The following TAMM41 variants were observed in gnomAD, a reference collection of about 807,000 sequenced individuals.
The protein encoded by TAMM41 is TAM41 mitochondrial translocator assembly and maintenance homolog, also known as phosphatidate cytidylyltransferase, mitochondrial.
A neutral mutation model predicts 44.1 loss-of-function variants in TAMM41; 36 were observed. The observed-to-expected ratio is 0.82, with a 90% CI of 0.63 to 1.08. The LOEUF (loss-of-function observed/expected upper bound fraction) is 1.08, where lower values mean the gene tolerates loss of function less well. Among genes scored for constraint, TAMM41 ranks in the 50% least tolerant of loss-of-function variants. TAMM41 has a pLI of 0.00. For synonymous variants in TAMM41, 164 were observed against 153.1 expected (o/e 1.07, Z -0.53); for missense variants, 417 against 404.3 (o/e 1.03, Z -0.27).
chr3:11,789,126 G>A (rs1242879337), downstream of TAMM41, among the ~76,000 whole-genome samples: 2 of 152,202 alleles, frequency 1.3e-5, no homozygotes, highest in Non-Finnish European at 2.9e-5. Context: ...GGTCTGTAAT[G>A]TTATTTCCAT....
chr3:11,746,093 G>A, the TAMM41 span, among the ~76,000 whole-genome samples: 42 of 152,268 alleles, frequency 2.8e-4, no homozygotes, highest in African/African-American at 1.0e-3. Context: ...GAGGTCAGGA[G>A]ATCGAGACCA....
chr3:11,814,019 CATAA>C (rs1397037274), intron 5 of TAMM41, among the ~76,000 whole-genome samples: 6 of 147,932 alleles, frequency 4.1e-5, no homozygotes, highest in African/African-American at 1.6e-4. Context: ...CACACACACA[CATAA>C]AAAAATCAGC....
At chr3:11,803,225 T>C (rs976695116) in intron 7 of TAMM41, among the ~76,000 whole-genome samples, 6 of 152,212 alleles carry the variant, frequency 3.9e-5, no homozygotes, top group African/African-American at 1.4e-4. Context: ...CGAGCTGAGA[T>C]TGCACCACTG....
intron 1 of TAMM41, among the ~76,000 whole-genome samples, chr3:11,846,229 T>A (rs1348984946): frequency 1.3e-5 from 2 of 152,254 alleles, no homozygotes; most frequent in African/African-American, 4.8e-5. Flanking sequence ...AACGATTTCT[T>A]TTCCTTTCTT....
intron 7 of TAMM41, among the ~76,000 whole-genome samples, chr3:11,802,529 A>C (rs1028872464): frequency 2.6e-5 from 4 of 152,212 alleles, no homozygotes; most frequent in Non-Finnish European, 5.9e-5. Context: ...AAGATCAGTA[A>C]TGTAGTAGCA....
chr3:11,733,686 G>A, the TAMM41 span, among the ~76,000 whole-genome samples: 7 of 151,834 alleles, frequency 4.6e-5, no homozygotes, highest in Middle Eastern at 3.4e-3. Context: ...TAGTAGAGAC[G>A]GGGTTTCACC....
chr3:11,752,753 C>T, the TAMM41 span, among the ~76,000 whole-genome samples: 7 of 149,886 alleles, frequency 4.7e-5, no homozygotes, highest in Non-Finnish European at 8.8e-5. Flanking sequence ...GATCCTCCTG[C>T]CTGACCCTTC....
the TAMM41 span, among the ~76,000 whole-genome samples, chr3:11,746,162 G>T: frequency 6.6e-6 from 1 of 152,114 alleles, no homozygotes; most frequent in Admixed American, 6.6e-5. Flanking sequence ...TTAGTCAGGA[G>T]TGGTGGTGGG....
the TAMM41 span, among the ~76,000 whole-genome samples, chr3:11,754,699 C>T: frequency 1.1e-4 from 16 of 141,434 alleles, 1 homozygote; most frequent in Admixed American, 1.1e-3. Context: ...TGAAACATTT[C>T]TCAGATCTCT....
At position 11,817,202 on chromosome 3, in the gene TAMM41, C is replaced by A; in HGVS notation, c.698G>T (p.Gly233Val). 6.2e-7 allele frequency: 1 copy of A among 1,610,780 alleles called. No individual in the cohort carries two copies. The highest frequency in any genetic ancestry group is 8.5e-7 in the Non-Finnish European group (1 of 1,177,512). Residue 233 changes from glycine to valine, a missense_variant, in exon 5 of 8, where the codon GGC becomes GTC. Transcript: ENST00000455809. ...NPQVVYKSQQGWLEIDKSPEG... is the reference protein window; with the variant it reads ...NPQVVYKSQQVWLEIDKSPEG... ...TCCACATACAGTTACCTCCAGCCAGCCTTGCTGGCTTTTATACACCACTTG... is the reference window on the plus strand; with the variant it reads ...TCCACATACAGTTACCTCCAGCCAGACTTGCTGGCTTTTATACACCACTTG...
intron 4 of TAMM41, among the ~76,000 whole-genome samples, chr3:11,824,987 T>C (rs548796892): frequency 1.3e-5 from 2 of 152,138 alleles, no homozygotes; most frequent in African/African-American, 4.8e-5. Flanking sequence ...AGGGGAGGTG[T>C]GACCCAGTGG....
At chr3:11,725,226 CCTCCTT>C in the TAMM41 span, among the ~76,000 whole-genome samples, 9 of 138,306 alleles carry the variant, frequency 6.5e-5, no homozygotes, top group Non-Finnish European at 1.1e-4. Flanking sequence ...TCCTCCCTCT[CCTCCTT>C]CTCCTTCTCC....
intron 5 of TAMM41, among the ~76,000 whole-genome samples, chr3:11,814,408 A>C (rs2078206646): frequency 6.6e-6 from 1 of 152,268 alleles, no homozygotes; most frequent in South Asian, 2.1e-4. Flanking sequence ...GCTATAAGAA[A>C]GAACATTTTG....
chr3:11,808,728 T>G (rs896833353), intron 6 of TAMM41: 6 of 644,230 alleles, frequency 9.3e-6, no homozygotes, highest in African/African-American at 4.0e-5. Context: ...AGGCTCTTTT[T>G]TTTGTTTGTT....
chr3:11,840,714 T>TA (rs908143787), intron 2 of TAMM41, among the ~76,000 whole-genome samples: 5 of 151,452 alleles, frequency 3.3e-5, no homozygotes, highest in Admixed American at 6.6e-5. Flanking sequence ...GGATTGGGAG[T>TA]AAAAAAAACT....
At chr3:11,774,220 G>A in the TAMM41 span, among the ~76,000 whole-genome samples, 1 of 152,192 alleles carries the variant, frequency 6.6e-6, no homozygotes, top group South Asian at 2.1e-4. Flanking sequence ...CTCTATGAAC[G>A]CACACTTTGT....
chr3:11,746,652 T>A, the TAMM41 span, among the ~76,000 whole-genome samples: 4,275 of 152,176 alleles, frequency 0.028, 91 homozygotes, highest in Non-Finnish European at 0.041. Flanking sequence ...TTAATTAATT[T>A]ATTTATTTAT....
At chr3:11,741,693 C>G in the TAMM41 span, among the ~76,000 whole-genome samples, 1 of 150,346 alleles carries the variant, frequency 6.7e-6, no homozygotes, top group African/African-American at 2.5e-5. Context: ...ATCTTGGCAA[C>G]TTCAGCATAT....
chr3:11,790,691 C>T, intron 7 of TAMM41, 110 bp from the exon 8 acceptor site: 1 of 913,014 alleles, frequency 1.1e-6, no homozygotes, highest in Non-Finnish European at 1.7e-6. Context: ...CAGTGAGGGG[C>T]TGACCCGTGG....
Sources: gnomAD v4.1 joint callset for allele counts (sites outside exome capture counted in the v4.1 genomes callset) on GRCh38, gnomAD v4.1.1 for gene constraint, MANE v1.5 for transcripts, NCBI Gene and HGNC (gene_info 2026-07-23, HGNC 2026-07-21) for gene names.